GALK1: variants seen among roughly 807,000 people sequenced by gnomAD.
GALK1 encodes the protein galactokinase 1, also known as galactokinase.
GALK1 carries 30 observed loss-of-function variants against 38.6 expected under a neutral mutation model. That is an observed-to-expected ratio of 0.78 (90% CI 0.58 to 1.05). The LOEUF is 1.05. GALK1 is among the 50% of genes least tolerant of loss of function. The pLI, the probability that GALK1 is intolerant of heterozygous loss-of-function variation, is 0.00. For synonymous variants in GALK1, 240 were observed against 233.6 expected, an observed-to-expected ratio of 1.03 and a Z score of -0.25; for missense variants, 512 against 540.5, an observed-to-expected ratio of 0.95 and a Z score of 0.52.
Position 75,763,920 on chromosome 17 carries a change from T to C in GALK1, c.332A>G (p.Lys111Arg). 2.5e-6 allele frequency: 4 copies of C among 1,613,892 alleles called. No individual in the cohort carries two copies. Among genetic ancestry groups the C allele is most frequent in the Non-Finnish European group, 3.4e-6 (4 of 1,180,006 alleles). The change falls in exon 2 of 8, where the codon AAG becomes AGG. Residue 111 changes from lysine to arginine, a missense_variant. Coordinates refer to ENST00000588479, the MANE Select transcript of GALK1 (RefSeq NM_000154.2). ...ACCTGGGTAGTACTGAATCACTCCC[T>C]TGACATAGTTGGCCCACCGAGGAGT... ...PGTPRWANYV[K>R]GVIQYYPAAP...
chr17:75,753,693 C>T (rs1352884938), downstream of GALK1: 2 of 1,062,478 alleles, frequency 1.9e-6, no homozygotes, highest in East Asian at 3.2e-5. Context: ...GAGCCTACGG[C>T]CTTCCCCCGC....
intron 1 of GALK1, 114 bp from the exon 2 acceptor site, chr17:75,764,200 TC>T: frequency 1.9e-6 from 2 of 1,038,310 alleles, no homozygotes; most frequent in Non-Finnish European, 3.0e-6. Flanking sequence ...GTTCTGAACC[TC>T]CAGGTTCAGC....
At position 75,758,368 on chromosome 17, in the gene GALK1, C is replaced by G; in HGVS notation, c.949G>C (p.Asp317His). Reference sequence around the variant, plus strand: ...AGCTCTGGGCAGCTCACCTCATAGTCGTCTCTGCAGAGAGGATATTGAAGG... The same window carrying G: ...AGCTCTGGGCAGCTCACCTCATAGTGGTCTCTGCAGAGAGGATATTGAAGG... The part of the protein sequence containing the change: ...MVESHRSLRD[D>H]YEVSCPELDQ... The change falls in exon 7 of 8, where the codon GAC (aspartate) becomes CAC (histidine). Residue 317 changes from aspartate to histidine, a missense_variant. Physicochemically the swap from Asp to His is moderately conservative, Grantham distance 81 (BLOSUM62 -1). Coordinates refer to ENST00000588479, the MANE Select transcript of GALK1 (RefSeq NM_000154.2). The G allele has an allele frequency of 6.3e-7, 1 of 1,589,630 alleles. No individual in the cohort carries two copies. The highest frequency in any genetic ancestry group is 8.6e-7 in the Non-Finnish European group (1 of 1,168,792).
downstream of GALK1, chr17:75,754,997 C>T (rs1245233033): frequency 1.7e-5 from 27 of 1,558,182 alleles, no homozygotes; most frequent in Admixed American, 5.5e-5. Context: ...CATGCGCACA[C>T]GTACACACAT....
downstream of GALK1, chr17:75,757,080 A>G (rs927902053): frequency 2.3e-5 from 37 of 1,612,772 alleles, no homozygotes; most frequent in Non-Finnish European, 2.7e-5. Flanking sequence ...GCGCGAGGGC[A>G]TCATCACCAT....
chr17:75,756,584 G>A (rs778509471), downstream of GALK1: 19 of 1,612,982 alleles, frequency 1.2e-5, no homozygotes, highest in South Asian at 1.6e-4. Context: ...TGAATCCCAG[G>A]TGCACCCGCA....
intron 5 of GALK1, among the ~76,000 whole-genome samples, chr17:75,760,075 C>T (rs934125883): frequency 2.6e-5 from 4 of 152,132 alleles, no homozygotes; most frequent in African/African-American, 9.7e-5. Context: ...CCATGTGTAG[C>T]AGGAGCCTTA....
chr17:75,761,192 ACT>A (rs2061585841), intron 5 of GALK1, among the ~76,000 whole-genome samples: 1 of 150,726 alleles, frequency 6.6e-6, no homozygotes, highest in African/African-American at 2.4e-5. Context: ...ACAGAGCAAG[ACT>A]CTGTCTCAAA....
At chr17:75,761,010 C>T (rs544630377) in intron 5 of GALK1, among the ~76,000 whole-genome samples, 11 of 151,406 alleles carry the variant, frequency 7.3e-5, no homozygotes, top group Admixed American at 1.3e-4. Context: ...ACGACCAGCC[C>T]GACCAACATG....
At chr17:75,753,766 C>T, downstream of GALK1, 1 of 1,441,590 alleles carries the variant, frequency 6.9e-7, no homozygotes, top group East Asian at 2.8e-5. Flanking sequence ...GTTCCCAAGG[C>T]TGCGGCTGGA....
chr17:75,753,943 G>A, downstream of GALK1: 1 of 1,273,896 alleles, frequency 7.8e-7, no homozygotes, highest in Non-Finnish European at 9.8e-7. Context: ...GCGGCAGCCT[G>A]CCCCGCAGTG....
Position 75,762,788 on chromosome 17 carries a change from GGTACT to G in GALK1, c.704_708del (p.Glu235AlafsTer8). The G allele has an allele frequency of 6.2e-7, 1 of 1,613,916 alleles. No homozygotes were observed. The highest frequency in any genetic ancestry group is 8.5e-7 in the Non-Finnish European group (1 of 1,180,014). On this transcript the variant is annotated frameshift_variant, in exon 5 of 8. Transcript: ENST00000588479. LOFTEE classifies it high-confidence loss of function. ...TCTTCACATTGGCGCCGCCGCACAGGGTACTCGCTGGAGGCCAGGGAGTGGCGGAC... is the reference window on the plus strand; with the variant it reads ...TCTTCACATTGGCGCCGCCGCACAGGCGCTGGAGGCCAGGGAGTGGCGGAC...
chr17:75,764,052 G>GGGCTGC lies in GALK1; in HGVS notation c.194_199dup (p.Ser66_Pro67insArgSer). Reference sequence around the variant, plus strand: ...GAGAGACACCAGCCCATCCTTGCGGGGGCTGCCCACCAGCACCGTCATGAG... The same window carrying GGGCTGC: ...GAGAGACACCAGCCCATCCTTGCGGGGGCTGCGGCTGCCCACCAGCACCGTCATGAG... On this transcript the variant is annotated inframe_insertion, in exon 2 of 8. Transcript: ENST00000588479. 1 of 1,595,758 alleles carries GGGCTGC rather than the reference G, an allele frequency of 6.3e-7. No homozygotes were observed. Among genetic ancestry groups the GGGCTGC allele is most frequent in the Non-Finnish European group, 8.5e-7 (1 of 1,173,304 alleles).
chr17:75,755,284 C>G (rs536617976), downstream of GALK1: 3 of 1,504,004 alleles, frequency 2.0e-6, no homozygotes, highest in South Asian at 3.6e-5. Flanking sequence ...CCATAGCAGC[C>G]GCCAGCTGTG....
rs373133055 is a variant in GALK1 at position 75,752,190 on chromosome 17, G to A, written c.*23-453C>T. 3.8e-5 allele frequency: 61 copies of A among 1,613,878 alleles called. No homozygotes were observed. In the African/African-American group the frequency reaches 7.3e-4, roughly 19 times the overall value. ...CTGCCCCAGGACCTATTGGGCCCAT[G>A]AAGAAAGTGCTGGTTGACAACCCTA... On this transcript the variant is annotated intron_variant, in intron 8 of 8. Coordinates refer to the GALK1 transcript ENST00000225614.
chr17:75,757,842 G>A (rs1003746670), downstream of GALK1: 34 of 672,038 alleles, frequency 5.1e-5, no homozygotes, highest in Middle Eastern at 1.6e-3. Flanking sequence ...CCATTCTTCT[G>A]GGGCCTGAGA....
At chr17:75,754,900 C>G, downstream of GALK1, 5 of 1,587,886 alleles carry the variant, frequency 3.1e-6, no homozygotes, top group Admixed American at 8.4e-5. Flanking sequence ...GTCTGCTGTC[C>G]CCACCGCCCA....
At chr17:75,754,932 A>G (rs565719805), downstream of GALK1, 46 of 1,530,374 alleles carry the variant, frequency 3.0e-5, no homozygotes, top group East Asian at 1.0e-3. Context: ...ACACACACGC[A>G]TGCACACATG....
chr17:75,755,214 G>A, downstream of GALK1: 1 of 1,602,086 alleles, frequency 6.2e-7, no homozygotes, highest in Non-Finnish European at 8.5e-7. Flanking sequence ...TGGGGCCCAG[G>A]TAGTACAGGG....
Sources: gnomAD v4.1 joint callset for allele counts (sites outside exome capture counted in the v4.1 genomes callset) on GRCh38, gnomAD v4.1.1 for gene constraint, MANE v1.5 for transcripts, NCBI Gene and HGNC (gene_info 2026-07-23, HGNC 2026-07-21) for gene names.